MRPL33: variants seen among roughly 807,000 people sequenced by gnomAD.
MRPL33 encodes large ribosomal subunit protein bL33m.
Under a neutral mutation model 10.1 loss-of-function variants are expected in MRPL33, and 5 were observed. The ratio of observed to expected loss-of-function variants is 0.49; its 90% CI spans 0.26 to 1.04. The LOEUF is 1.04. Ranked by LOEUF, MRPL33 falls within the 50% of genes least tolerant of loss-of-function variation. The pLI, the probability that MRPL33 is intolerant of heterozygous loss-of-function variation, is 0.14. For missense variants in MRPL33, 79 were observed against 78.1 expected, an observed-to-expected ratio of 1.01 and a Z score of -0.04; for synonymous variants, 24 against 27.7, an observed-to-expected ratio of 0.87 and a Z score of 0.42.
chr2:27,776,426 G>A (rs1305492149), intron 3 of MRPL33, among the ~76,000 whole-genome samples: 1 of 152,258 alleles, frequency 6.6e-6, no homozygotes, highest in Non-Finnish European at 1.5e-5. Flanking sequence ...TGTTAAGTTT[G>A]AGGACGATGA....
chr2:27,774,227 A>G (rs1386270683), intron 2 of MRPL33, among the ~76,000 whole-genome samples, 197 bp from the exon 3 acceptor site: 2 of 152,206 alleles, frequency 1.3e-5, no homozygotes, highest in African/African-American at 4.8e-5. Context: ...TGTGTAGTGG[A>G]GCAAATCCTA....
At chr2:27,778,576 C>T (rs558244769) in intron 3 of MRPL33, among the ~76,000 whole-genome samples, 25 of 150,312 alleles carry the variant, frequency 1.7e-4, no homozygotes, top group Admixed American at 3.3e-4. Flanking sequence ...TTTTTTGAGA[C>T]GGAGTTTCAC....
chr2:27,776,190 C>G (rs1677145929), intron 3 of MRPL33, among the ~76,000 whole-genome samples: 1 of 152,248 alleles, frequency 6.6e-6, no homozygotes, highest in Non-Finnish European at 1.5e-5. Context: ...CAAACAGACG[C>G]TTAGAATTTT....
At chr2:27,776,492 T>A (rs1677177193) in intron 3 of MRPL33, among the ~76,000 whole-genome samples, 1 of 152,260 alleles carries the variant, frequency 6.6e-6, no homozygotes, top group Non-Finnish European at 1.5e-5. Flanking sequence ...AATTCCCAAT[T>A]ATTTGAGCAT....
At chr2:27,772,809 T>C (rs1677078627) in intron 2 of MRPL33, 117 bp downstream of exon 2, 2 of 807,326 alleles carry the variant, frequency 2.5e-6, no homozygotes, top group East Asian at 2.9e-5. Context: ...TTCCTAAGAG[T>C]TGGTTTGTGG....
chr2:27,774,508 T>A lies in MRPL33; in HGVS notation c.126T>A (p.Thr42=), dbSNP rs770493267. The part of the protein sequence containing the change: ...TKRNRLREKL[T]LLHYDPVVKQ... ...GAAACCGACTGCGGGAAAAACTGACTCTTTTGCATTATGATCCAGTTGGTA... is the reference window on the plus strand; with the variant it reads ...GAAACCGACTGCGGGAAAAACTGACACTTTTGCATTATGATCCAGTTGGTA... The change falls in exon 3 of 4, where the codon ACT becomes ACA. Residue 42 remains threonine (T), a synonymous_variant. Transcript: ENST00000296102. The A allele has an allele frequency of 3.1e-6, 5 of 1,613,970 alleles. No individual in the cohort carries two copies. In the Admixed American group the frequency reaches 5.0e-5, roughly 16 times the overall value.
rs1461221260 is a variant in MRPL33 at position 27,772,592 on chromosome 2, ATATT to A, written c.23-78_23-75del. On this transcript the variant is annotated intron_variant, in intron 1 of 3. Coordinates refer to ENST00000296102, the MANE Select transcript of MRPL33 (RefSeq NM_004891.4). The stretch of plus-strand genomic sequence containing the variant: ...AGTTAAATATTTTTGGTTATTACTG[ATATT>A]TATATGAACTTTGCATAAGAAAGAG... The A allele has an allele frequency of 5.3e-6, 6 of 1,128,466 alleles. No homozygotes were observed. The African/African-American group carries it at 7.9e-5, about 15-fold the overall frequency. 69.9% of individuals were successfully genotyped at this position (1,128,466 alleles called of 1,614,324 possible). A position where few individuals can be genotyped will look rare whatever the true frequency, so the allele number is the denominator to read the frequency against.
chr2:27,772,008 C>G (rs1573022365), intron 1 of MRPL33: 1 of 560,586 alleles, frequency 1.8e-6, no homozygotes, highest in Admixed American at 3.4e-5. Context: ...AAGGGGTCTG[C>G]GGTGTCTGGA....
rs1677115367 is a variant in MRPL33, at chr2:27,774,635, A to G, written c.148+105A>G. On this transcript the variant is annotated intron_variant, in intron 3 of 3. Coordinates refer to ENST00000296102, the MANE Select transcript of MRPL33 (RefSeq NM_004891.4). ...TTTTTAGCCTCTGACACTAGCATTC[A>G]TTTAGTAAATAGGTATTGAATGATT... The G allele has an allele frequency of 6.2e-6, 5 of 802,154 alleles. 1 individual carries two copies. The South Asian group carries it at 7.2e-5, about 12-fold the overall frequency. The allele number at this position is 802,154 out of a possible 1,614,324, so 49.7% of individuals were successfully genotyped here.
At chr2:27,772,434 A>G (rs1313197635) in intron 1 of MRPL33, 1 of 443,308 alleles carries the variant, frequency 2.3e-6, no homozygotes, top group East Asian at 3.8e-5. Flanking sequence ...CAGTCATGAA[A>G]TTATGCAAAA....
chr2:27,777,844 A>AC (rs1558528789), intron 3 of MRPL33, among the ~76,000 whole-genome samples: 1 of 151,750 alleles, frequency 6.6e-6, no homozygotes, highest in Non-Finnish European at 1.5e-5. Flanking sequence ...CAGTGAGACA[A>AC]CCCCCCTACC....
chr2:27,771,849 C>T, intron 1 of MRPL33, 50 bp downstream of exon 1: 3 of 1,583,050 alleles, frequency 1.9e-6, no homozygotes, highest in Non-Finnish European at 2.6e-6. Context: ...GGTTAGGGGG[C>T]CGTGACAGGC....
At chr2:27,775,530 T>A (rs1466888311) in intron 3 of MRPL33, among the ~76,000 whole-genome samples, 2 of 151,830 alleles carry the variant, frequency 1.3e-5, no homozygotes, top group Non-Finnish European at 2.9e-5. Flanking sequence ...TTTTATATTT[T>A]TAGTAGAGAT....
In MRPL33 at chr2:27,774,426, A is replaced by G; in HGVS notation, c.44A>G (p.Asn15Ser). Residue 15 changes from asparagine to serine, a missense_variant and splice_region_variant, in exon 3 of 4, where the codon AAC becomes AGC. Asn to Ser is a conservative substitution (Grantham distance 46). Coordinates refer to ENST00000296102, the MANE Select transcript of MRPL33 (RefSeq NM_004891.4). ...AVFFAKSKSK[N>S]ILVRMVSEAG... ...AACAGCGTACTTTTTAATCTTAGAA[A>G]CATTCTGGTGAGAATGGTGAGCGAA... 6.2e-7 allele frequency: 1 copy of G among 1,612,928 alleles called. No homozygotes were observed. The highest frequency in any genetic ancestry group is 8.5e-7 in the Non-Finnish European group (1 of 1,178,928).
intron 3 of MRPL33, among the ~76,000 whole-genome samples, chr2:27,775,298 G>A (rs992301975): frequency 6.6e-6 from 1 of 150,850 alleles, no homozygotes; most frequent in Non-Finnish European, 1.5e-5. Flanking sequence ...AATAGCAAAC[G>A]TGTTTTTTAA....
intron 2 of MRPL33, among the ~76,000 whole-genome samples, chr2:27,773,106 C>T (rs1677084283): frequency 1.3e-5 from 2 of 152,202 alleles, no homozygotes; most frequent in African/African-American, 2.4e-5. Flanking sequence ...AAATCATAGT[C>T]TGTTTTAATG....
intron 3 of MRPL33, among the ~76,000 whole-genome samples, chr2:27,777,711 T>C (rs955027841): frequency 1.3e-5 from 2 of 152,186 alleles, no homozygotes; most frequent in African/African-American, 4.8e-5. Flanking sequence ...TATTTTATTC[T>C]TTGAGTTAAA....
At chr2:27,775,056 A>G (rs1484254684) in intron 3 of MRPL33, among the ~76,000 whole-genome samples, 1 of 152,178 alleles carries the variant, frequency 6.6e-6, no homozygotes, top group Admixed American at 6.5e-5. Context: ...TGGTTTCTAT[A>G]TATTAGTGCA....
At chr2:27,772,120 C>T (rs1677061804) in intron 1 of MRPL33, 2 of 385,254 alleles carry the variant, frequency 5.2e-6, no homozygotes, top group East Asian at 4.1e-5. Context: ...AATTTGCAGC[C>T]CACCTATTTC....
Sources: gnomAD v4.1 joint callset for allele counts (sites outside exome capture counted in the v4.1 genomes callset) on GRCh38, gnomAD v4.1.1 for gene constraint, MANE v1.5 for transcripts, NCBI Gene and HGNC (gene_info 2026-07-23, HGNC 2026-07-21) for gene names.